The following SYNE2 variants were observed in gnomAD, a reference collection of about 807,000 sequenced individuals.
The protein encoded by SYNE2 is spectrin repeat containing nuclear envelope protein 2.
Under a neutral mutation model 856.3 loss-of-function variants are expected in SYNE2, and 431 were observed. The observed-to-expected ratio is 0.50, with a 90% CI of 0.47 to 0.55. The LOEUF is 0.55. Ranked by LOEUF, SYNE2 falls within the 20% of genes least tolerant of loss-of-function variation. SYNE2 has a pLI of 0.00. For missense variants in SYNE2, 8,129 were observed against 8,023.2 expected, an observed-to-expected ratio of 1.01 and a Z score of -0.50; for synonymous variants, 2,923 against 2,872.3, an observed-to-expected ratio of 1.02 and a Z score of -0.56.
At chr14:63,824,775 T>G (rs1481542672) in intron 1 of SYNE2, among the ~76,000 whole-genome samples, 6 of 152,124 alleles carry the variant, frequency 3.9e-5, no homozygotes, top group Admixed American at 3.9e-4. Context: ...ACATATCTCA[T>G]GTAAGCCGTA....
chr14:64,013,603 C>T (rs1355616844), intron 32 of SYNE2, among the ~76,000 whole-genome samples: 1 of 152,092 alleles, frequency 6.6e-6, no homozygotes, highest in Non-Finnish European at 1.5e-5. Flanking sequence ...AGTTATTTCT[C>T]TTAGGATAAT....
Position 64,081,506 on chromosome 14 carries a change from A to G in SYNE2, c.11410A>G (p.Thr3804Ala), listed in dbSNP as rs755510777. Residue 3804 changes from threonine (T) to alanine (A), a missense_variant, in exon 57 of 116, where the codon ACC becomes GCC. Around this residue, in one of 3 missense-constraint regions of SYNE2, gnomAD observed 5,410 missense variants for 5,284.8 expected, o/e 1.02. Coordinates refer to ENST00000555002, the MANE Select transcript of SYNE2 (RefSeq NM_182914.3). ...LKSTEAWIEN[T>A]SHLLANPADY... ...GAGCACTGAGGCTTGGATAGAAAAT[A>G]CCAGTCATTTGCTGGCCAATCCTGC... 1.9e-6 allele frequency: 3 copies of G among 1,614,192 alleles called. No individual in the cohort carries two copies. The highest frequency in any genetic ancestry group is 2.5e-6 in the Non-Finnish European group (3 of 1,180,016).
At chr14:64,006,834 AC>A (rs1471428051) in intron 30 of SYNE2, among the ~76,000 whole-genome samples, 2 of 152,086 alleles carry the variant, frequency 1.3e-5, no homozygotes, top group Non-Finnish European at 2.9e-5. Context: ...TTCCAGCAAA[AC>A]AAAATAAGAC....
At chr14:63,859,409 C>T (rs1407520316) in intron 1 of SYNE2, among the ~76,000 whole-genome samples, 1 of 151,976 alleles carries the variant, frequency 6.6e-6, no homozygotes, top group Non-Finnish European at 1.5e-5. Flanking sequence ...TGATTTGTGA[C>T]TTTTCTTCTT....
At chr14:63,875,167 C>G (rs1481802666) in intron 1 of SYNE2, among the ~76,000 whole-genome samples, 1 of 152,110 alleles carries the variant, frequency 6.6e-6, no homozygotes, top group Non-Finnish European at 1.5e-5. Flanking sequence ...CCTGCCTCAG[C>G]CTCCCAAGTA....
At chr14:63,900,487 A>G (rs2095322533) in intron 1 of SYNE2, among the ~76,000 whole-genome samples, 1 of 152,006 alleles carries the variant, frequency 6.6e-6, no homozygotes, top group Non-Finnish European at 1.5e-5. Flanking sequence ...ATCTCATGAG[A>G]CTCATTCACA....
chr14:63,925,104 C>T (rs1346425305), intron 2 of SYNE2, among the ~76,000 whole-genome samples: 1 of 151,654 alleles, frequency 6.6e-6, no homozygotes, highest in Non-Finnish European at 1.5e-5. Context: ...GAGTTCAAGA[C>T]CAGCTTGGGC....
rs967053650 is a variant in SYNE2 at position 63,837,180 on chromosome 14, G to A, written c.-304-15321G>A. On this transcript the variant is annotated intron_variant, in intron 1 of 23. Coordinates refer to the SYNE2 transcript ENST00000674003. ...AATTGATTTTTAACACGAGTGCCAA[G>A]AAAATTCAATGGGAAAAAATAGTCT... Among the ~76,000 whole-genome samples the A allele has an allele frequency of 3.0e-4, 45 of 152,152 alleles. 1 individual carries two copies. The highest frequency in any genetic ancestry group is 7.4e-5 in the Non-Finnish European group (5 of 68,022).
Position 64,026,656 on chromosome 14 carries a change from G to C in SYNE2, c.6330G>C (p.Pro2110=), listed in dbSNP as rs779101206. The C allele has an allele frequency of 6.2e-7, 1 of 1,613,002 alleles. No individual in the cohort carries two copies. Among genetic ancestry groups the C allele is most frequent in the African/African-American group, 1.3e-5 (1 of 74,892 alleles). Residue 2110 remains proline (P), a synonymous_variant, in exon 42 of 116, where the codon CCG becomes CCC. Coordinates refer to ENST00000555002, the MANE Select transcript of SYNE2 (RefSeq NM_182914.3). The part of the protein sequence containing the change: ...IMKQAESSEA[P]LVQKTLTDIS... ...AGCAGGCTGAGAGCAGCGAGGCCCC[G>C]CTGGTTCAGAAGACCCTCACTGACA...
At chr14:63,997,254 C>T in intron 24 of SYNE2, 47 bp from the exon 25 acceptor site, 3 of 1,593,702 alleles carry the variant, frequency 1.9e-6, no homozygotes, top group Non-Finnish European at 1.7e-6. Flanking sequence ...GTTTAGGTTT[C>T]ATTTTTCTTA....
At chr14:63,775,873 G>A (rs903337357) in intron 1 of SYNE2, among the ~76,000 whole-genome samples, 5 of 152,096 alleles carry the variant, frequency 3.3e-5, no homozygotes, top group African/African-American at 1.2e-4. Context: ...AAAAAACTAG[G>A]CTTCTTCTCA....
At chr14:63,814,297 C>T (rs914756940) in intron 1 of SYNE2, among the ~76,000 whole-genome samples, 2 of 149,364 alleles carry the variant, frequency 1.3e-5, no homozygotes, top group African/African-American at 4.9e-5. Flanking sequence ...AACAAACAAA[C>T]AAAGAACAGA....
intron 58 of SYNE2, among the ~76,000 whole-genome samples, chr14:64,088,682 G>C (rs892744307): frequency 6.6e-6 from 1 of 152,162 alleles, no homozygotes; most frequent in Non-Finnish European, 1.5e-5. Flanking sequence ...ATTTATTGAG[G>C]GGTTGTTATT....
At chr14:63,820,750 CTTTT>C (rs201007276) in intron 1 of SYNE2, among the ~76,000 whole-genome samples, 3 of 140,384 alleles carry the variant, frequency 2.1e-5, no homozygotes. Flanking sequence ...CACAGGAGAA[CTTTT>C]TTTTTTTTTT....
At chr14:63,852,934 C>T, upstream of SYNE2, 1 of 152,002 alleles carries the variant, frequency 6.6e-6, no homozygotes, top group South Asian at 2.0e-4. Context: ...GACCCGGAGG[C>T]GGGCGGCGGG....
chr14:63,840,048 C>G (rs1213799485), intron 1 of SYNE2, among the ~76,000 whole-genome samples: 2 of 152,290 alleles, frequency 1.3e-5, no homozygotes, highest in East Asian at 3.9e-4. Context: ...GTGGGTGGAT[C>G]ACCCGAGTTC....
intron 34 of SYNE2, among the ~76,000 whole-genome samples, chr14:64,019,743 C>T (rs1268737899): frequency 2.0e-5 from 3 of 152,038 alleles, no homozygotes; most frequent in East Asian, 1.9e-4. Flanking sequence ...TAAGGCAGAC[C>T]GTGCATTCTC....
In SYNE2 at chr14:63,909,556, T is replaced by A. The variant is rs2095447545; in HGVS notation, c.79+329T>A. 4.6e-5 allele frequency among the ~76,000 whole-genome samples: 7 copies of A among 152,196 alleles called. No homozygotes were observed. The South Asian group carries it at 1.5e-3, about 32-fold the overall frequency. On this transcript the variant is annotated intron_variant, in intron 2 of 115. Transcript: ENST00000555002. Reference sequence around the variant, plus strand: ...TTGTGTAGCTTCTTTTAAATGCACATCCTTGCCAGGCACGGTGGCTCATGC... The same window carrying A: ...TTGTGTAGCTTCTTTTAAATGCACAACCTTGCCAGGCACGGTGGCTCATGC...
intron 11 of SYNE2, among the ~76,000 whole-genome samples, chr14:63,974,892 G>GTGTGTGTATATATATATATATATA (rs1375697679): frequency 4.2e-4 from 28 of 67,288 alleles, no homozygotes; most frequent in African/African-American, 5.8e-4. Context: ...GTGTGTGTGT[G>GTGTGTGTATATATATATATATATA]TATATATATA....
Sources: allele counts gnomAD v4.1 joint callset (sites outside exome capture counted in the v4.1 genomes callset), GRCh38; gene constraint gnomAD v4.1.1; regional missense constraint gnomAD v4.1.1; transcripts MANE v1.5; gene names NCBI Gene and HGNC (gene_info 2026-07-23, HGNC 2026-07-21).